CTNNBL1: variants seen among roughly 807,000 people sequenced by gnomAD.
CTNNBL1 encodes the protein catenin beta like 1.
A neutral mutation model predicts 72.7 loss-of-function variants in CTNNBL1; 31 were observed. That is an observed-to-expected ratio of 0.43 (90% CI 0.32 to 0.58). The LOEUF is 0.58. CTNNBL1 is among the 20% of genes least tolerant of loss of function. CTNNBL1 has a pLI of 0.08. For synonymous variants in CTNNBL1, 240 were observed against 267.3 expected (o/e 0.90, Z 1.00); for missense variants, 534 against 725.1 (o/e 0.74, Z 3.03).
chr20:37,864,959 G>A lies in CTNNBL1; in HGVS notation c.1603+4615G>A, dbSNP rs114637726. Among the ~76,000 whole-genome samples, 846 of 152,208 alleles carry A rather than the reference G, an allele frequency of 5.6e-3. 8 individuals carry two copies. The highest frequency in any genetic ancestry group is 0.019 in the African/African-American group (809 of 41,510). ...TCCTCACAACAGGCCTAGAAAGTGGGGTAACAAGGAAACTGAGACTCACTG... is the reference window on the plus strand; with the variant it reads ...TCCTCACAACAGGCCTAGAAAGTGGAGTAACAAGGAAACTGAGACTCACTG... On this transcript the variant is annotated intron_variant, in intron 15 of 15. Coordinates refer to ENST00000361383, the MANE Select transcript of CTNNBL1 (RefSeq NM_030877.5).
chr20:37,842,295 G>A (rs556375342), intron 12 of CTNNBL1, 44 bp from the exon 13 acceptor site: 25 of 1,372,734 alleles, frequency 1.8e-5, no homozygotes, highest in African/African-American at 4.3e-5. Flanking sequence ...CTTGCTGTGC[G>A]TTGTCTTTCC....
At chr20:37,832,792 T>A (rs956714706) in intron 11 of CTNNBL1, among the ~76,000 whole-genome samples, 3 of 4,280 alleles carry the variant, frequency 7.0e-4, no homozygotes, top group Non-Finnish European at 1.2e-3. Context: ...GGACCATACT[T>A]TTTTTTTTTT....
intron 13 of CTNNBL1, among the ~76,000 whole-genome samples, chr20:37,858,406 A>G (rs1245669231): frequency 6.6e-6 from 1 of 152,208 alleles, no homozygotes; most frequent in Non-Finnish European, 1.5e-5. Context: ...TGGTTTGTCA[A>G]GGTGCTCTCA....
intron 15 of CTNNBL1, among the ~76,000 whole-genome samples, chr20:37,860,980 A>T (rs552534026): frequency 5.3e-5 from 8 of 152,330 alleles, no homozygotes; most frequent in Middle Eastern, 3.4e-3. Flanking sequence ...TACTGTGTGC[A>T]GTTTCAGGCA....
chr20:37,709,522 A>C (rs1183754178), intron 1 of CTNNBL1, among the ~76,000 whole-genome samples: 1 of 152,206 alleles, frequency 6.6e-6, no homozygotes, highest in Admixed American at 6.5e-5. Flanking sequence ...ACAGTTTGTC[A>C]TGTTATCTTT....
At chr20:37,799,144 G>A (rs1048015266) in intron 10 of CTNNBL1, among the ~76,000 whole-genome samples, 5 of 151,940 alleles carry the variant, frequency 3.3e-5, no homozygotes, top group Admixed American at 1.3e-4. Flanking sequence ...TCTCATTTTT[G>A]TTGTTGCCAG....
intron 11 of CTNNBL1, among the ~76,000 whole-genome samples, chr20:37,808,590 A>G (rs2071981190): frequency 6.6e-6 from 1 of 152,102 alleles, no homozygotes; most frequent in African/African-American, 2.4e-5. Context: ...CCATCTCCAG[A>G]TACTTTTCCT....
intron 15 of CTNNBL1, among the ~76,000 whole-genome samples, chr20:37,867,632 C>A (rs971591377): frequency 2.6e-5 from 4 of 152,066 alleles, no homozygotes; most frequent in Admixed American, 2.6e-4. Context: ...TTAGCCTCTT[C>A]CCTCTCTCCC....
intron 12 of CTNNBL1, 39 bp downstream of exon 12, chr20:37,840,238 G>C: frequency 7.0e-7 from 1 of 1,434,590 alleles, no homozygotes; most frequent in Non-Finnish European, 9.8e-7. Context: ...GACCGGGACT[G>C]ATAGAAAGGC....
chr20:37,713,286 A>G (rs2072955062), intron 1 of CTNNBL1, among the ~76,000 whole-genome samples: 1 of 152,118 alleles, frequency 6.6e-6, no homozygotes. Context: ...ATCCTCTTGG[A>G]GCCTGTCCCA....
chr20:37,840,453 G>T (rs1184781671), intron 12 of CTNNBL1, among the ~76,000 whole-genome samples: 1 of 152,208 alleles, frequency 6.6e-6, no homozygotes, highest in Non-Finnish European at 1.5e-5. Context: ...CCCAAAGAGC[G>T]TGGATTAGAC....
chr20:37,858,799 A>G (rs372494811), intron 13 of CTNNBL1, among the ~76,000 whole-genome samples: 2 of 152,248 alleles, frequency 1.3e-5, no homozygotes, highest in African/African-American at 4.8e-5. Flanking sequence ...TGAGAGGTCT[A>G]GGGTTACAAA....
At chr20:37,788,383 A>G (rs965843911) in intron 10 of CTNNBL1, among the ~76,000 whole-genome samples, 1 of 152,236 alleles carries the variant, frequency 6.6e-6, no homozygotes, top group Non-Finnish European at 1.5e-5. Flanking sequence ...GTTTAGGATC[A>G]TTGGCCCACG....
At chr20:37,765,417 C>T (rs967473710) in intron 6 of CTNNBL1, 127 bp downstream of exon 6, 4 of 623,562 alleles carry the variant, frequency 6.4e-6, no homozygotes, top group African/African-American at 3.7e-5. Flanking sequence ...TGCTCCCAAA[C>T]TGCCTTCTCA....
chr20:37,835,255 C>T (rs2072243791), intron 11 of CTNNBL1, among the ~76,000 whole-genome samples: 1 of 152,176 alleles, frequency 6.6e-6, no homozygotes, highest in Admixed American at 6.5e-5. Context: ...GGGCCTTCAA[C>T]CTGCAGATAA....
intron 10 of CTNNBL1, among the ~76,000 whole-genome samples, chr20:37,795,057 C>T (rs1453927305): frequency 6.7e-6 from 1 of 150,326 alleles, no homozygotes; most frequent in Non-Finnish European, 1.5e-5. Context: ...TTTCACGTCT[C>T]TGGTGTTTGA....
intron 11 of CTNNBL1, among the ~76,000 whole-genome samples, chr20:37,804,459 T>C (rs555164637): frequency 5.3e-5 from 8 of 152,340 alleles, no homozygotes; most frequent in African/African-American, 1.9e-4. Flanking sequence ...CTGTGGGTTC[T>C]ACAGCTAACT....
At chr20:37,759,075 G>A (rs1033233916) in intron 5 of CTNNBL1, among the ~76,000 whole-genome samples, 2 of 152,194 alleles carry the variant, frequency 1.3e-5, no homozygotes, top group Admixed American at 1.3e-4. Flanking sequence ...GTCCAGCAGG[G>A]CCATTTATGA....
chr20:37,754,886 C>T (rs1351642387), intron 4 of CTNNBL1, among the ~76,000 whole-genome samples: 2 of 151,922 alleles, frequency 1.3e-5, no homozygotes, highest in African/African-American at 2.4e-5. Context: ...CAGCTCATTG[C>T]AGCCTCCAAC....
Sources: allele counts gnomAD v4.1 joint callset (sites outside exome capture counted in the v4.1 genomes callset), GRCh38; gene constraint gnomAD v4.1.1; transcripts MANE v1.5; gene names NCBI Gene and HGNC (gene_info 2026-07-23, HGNC 2026-07-21).